Variants in STX7 observed in about 807,000 individuals in gnomAD.
STX7 encodes syntaxin-7.
A neutral mutation model predicts 39.6 loss-of-function variants in STX7; 34 were observed. That is an observed-to-expected ratio of 0.86 (90% CI 0.65 to 1.14). The LOEUF (loss-of-function observed/expected upper bound fraction) is 1.14. STX7 is among the 50% of genes most tolerant of loss of function. The pLI is 0.00. For missense variants in STX7, 284 were observed against 310.4 expected (o/e 0.92, Z 0.64); for synonymous variants, 119 against 99.1 (o/e 1.20, Z -1.19).
At chr6:132,466,335 T>A (rs1347877992) in intron 8 of STX7, among the ~76,000 whole-genome samples, 1 of 152,208 alleles carries the variant, frequency 6.6e-6, no homozygotes, top group Admixed American at 6.5e-5. Context: ...TCCATATCAC[T>A]GGCTATTCCT....
intron 9 of STX7, chr6:132,461,868 A>G (rs1205541124): frequency 2.6e-6 from 4 of 1,539,470 alleles, no homozygotes; most frequent in East Asian, 2.5e-5. Flanking sequence ...TTTCTTACAA[A>G]GTAGAAAAAT....
intron 1 of STX7, among the ~76,000 whole-genome samples, chr6:132,504,997 T>G (rs1466901962): frequency 1.3e-5 from 2 of 152,144 alleles, no homozygotes; most frequent in Non-Finnish European, 2.9e-5. Context: ...GATCAGATGA[T>G]TCACAGCTGG....
At position 132,450,928 on chromosome 6, in the gene STX7, G is replaced by A. The variant is rs1562315505; in HGVS notation, c.*9830C>T. 1 of 151,370 alleles carries A rather than the reference G, an allele frequency of 6.6e-6. No individual in the cohort carries two copies. The highest frequency in any genetic ancestry group is 1.5e-5 in the Non-Finnish European group (1 of 67,912). The allele number at this position is 151,370 out of a possible 1,614,324, so 9.4% of individuals were successfully genotyped here. ...GACATAAACATATAGATGGTGAGAA[G>A]ACCTCAAATATAATAAACCCCCCAA... On this transcript the variant is annotated 3_prime_UTR_variant, in exon 10 of 10. Transcript: ENST00000367941.
intron 2 of STX7, 129 bp downstream of exon 2, chr6:132,503,317 C>G (rs750078144): frequency 7.5e-5 from 52 of 691,038 alleles, no homozygotes; most frequent in Non-Finnish European, 1.2e-4. Flanking sequence ...GAGTTCGAGC[C>G]CTTTAAAACC....
At chr6:132,479,941 C>T (rs558232959) in intron 2 of STX7, among the ~76,000 whole-genome samples, 8 of 152,220 alleles carry the variant, frequency 5.3e-5, no homozygotes, top group East Asian at 1.9e-4. Context: ...AGTGATGTGC[C>T]GTTGTTGAGG....
chr6:132,478,022 AC>A (rs1280239440), intron 2 of STX7, among the ~76,000 whole-genome samples: 3 of 152,144 alleles, frequency 2.0e-5, no homozygotes, highest in African/African-American at 7.2e-5. Flanking sequence ...GGCCTTAAAA[AC>A]AAAAGGTAAA....
rs569814968 is a variant in STX7 at position 132,476,389 on chromosome 6, G to A, written c.86-727C>T. On this transcript the variant is annotated intron_variant, in intron 2 of 9. Transcript: ENST00000367941. The stretch of plus-strand genomic sequence containing the variant: ...CACAAAAAGAAATTAGACCAGTCTA[G>A]ACTGTGGGACAATCTACGAGATAAC... Among the ~76,000 whole-genome samples, 8 of 152,142 alleles carry A rather than the reference G, an allele frequency of 5.3e-5. No homozygotes were observed. In the South Asian group the frequency reaches 1.7e-3, roughly 32 times the overall value.
intron 2 of STX7, among the ~76,000 whole-genome samples, chr6:132,485,333 A>C (rs1775107450): frequency 6.6e-6 from 1 of 152,172 alleles, no homozygotes; most frequent in Admixed American, 6.5e-5. Context: ...AGTTAGCCTA[A>C]TTATTTTATG....
Position 132,468,487 on chromosome 6 carries a change from C to T in STX7, c.538-12G>A, listed in dbSNP as rs371925401. 1.1e-4 allele frequency: 178 copies of T among 1,577,612 alleles called. No individual in the cohort carries two copies. In the African/African-American group the frequency reaches 1.4e-3, roughly 12 times the overall value. Reference sequence around the variant, plus strand: ...TCCATAATATCAGCCTAAGAGAAAACGCATATATTATTATAATCAGAAATT... The same window carrying T: ...TCCATAATATCAGCCTAAGAGAAAATGCATATATTATTATAATCAGAAATT... On this transcript the variant is annotated splice_polypyrimidine_tract_variant and intron_variant, in intron 7 of 9. Coordinates refer to ENST00000367941, the MANE Select transcript of STX7 (RefSeq NM_003569.3).
rs1774229978 is a variant in STX7, at chr6:132,455,877, TAAAAG to T, written c.*4876_*4880del. The T allele has an allele frequency of 6.6e-6, 1 of 152,220 alleles. No individual in the cohort carries two copies. Among genetic ancestry groups the T allele is most frequent in the East Asian group, 1.9e-4 (1 of 5,200 alleles). The allele number at this position is 152,220 out of a possible 1,614,324, so 9.4% of individuals were successfully genotyped here. A position where few individuals can be genotyped will look rare whatever the true frequency, so the allele number is the denominator to read the frequency against. On this transcript the variant is annotated 3_prime_UTR_variant, in exon 10 of 10. Coordinates refer to ENST00000367941, the MANE Select transcript of STX7 (RefSeq NM_003569.3). ...TTTTCTTCTTTATTCCTATTTGATT[TAAAAG>T]AAAAAGATTTGCCAAGGGATGGGTA...
intron 2 of STX7, 121 bp from the exon 3 acceptor site, chr6:132,475,783 A>ACTTTGTT: frequency 2.1e-5 from 11 of 526,656 alleles, no homozygotes; most frequent in South Asian, 1.2e-4. Context: ...AAAGATGAAA[A>ACTTTGTT]TAGAAAATAT....
intron 1 of STX7, among the ~76,000 whole-genome samples, chr6:132,504,234 G>GAA (rs1248419562): frequency 6.6e-6 from 1 of 152,178 alleles, no homozygotes; most frequent in East Asian, 1.9e-4. Context: ...AATTTTAATG[G>GAA]AAAAGGTTAA....
intron 2 of STX7, among the ~76,000 whole-genome samples, chr6:132,483,145 G>A (rs534620133): frequency 1.7e-4 from 26 of 152,180 alleles, no homozygotes; most frequent in Non-Finnish European, 3.2e-4. Context: ...CTAGAGGATT[G>A]GTTCCATGCC....
chr6:132,504,893 C>T (rs1290380947), intron 1 of STX7, among the ~76,000 whole-genome samples: 1 of 152,122 alleles, frequency 6.6e-6, no homozygotes, highest in Non-Finnish European at 1.5e-5. Context: ...AAGGCAAGGA[C>T]GTGAAGGCTG....
At chr6:132,504,740 C>A (rs536737956) in intron 1 of STX7, among the ~76,000 whole-genome samples, 153 of 152,276 alleles carry the variant, frequency 1.0e-3, no homozygotes, top group African/African-American at 3.6e-3. Context: ...AAAAACCCCA[C>A]AAATCCATAA....
intron 2 of STX7, among the ~76,000 whole-genome samples, chr6:132,484,847 T>A (rs767252343): frequency 1.3e-5 from 2 of 152,128 alleles, no homozygotes; most frequent in African/African-American, 4.8e-5. Context: ...CAAGCTATAA[T>A]TGCTTCAACA....
intron 8 of STX7, 45 bp from the exon 9 acceptor site, chr6:132,464,120 G>A: frequency 6.6e-7 from 1 of 1,520,248 alleles, no homozygotes; most frequent in East Asian, 2.3e-5. Context: ...AACATGGATT[G>A]ATGCTCCAGT....
At chr6:132,478,481 G>A (rs550444032) in intron 2 of STX7, among the ~76,000 whole-genome samples, 1 of 152,236 alleles carries the variant, frequency 6.6e-6, no homozygotes, top group East Asian at 1.9e-4. Flanking sequence ...ATGGAAGGAA[G>A]AAATCATTGG....
At chr6:132,475,439 C>T (rs1774849480) in intron 3 of STX7, 154 bp downstream of exon 3, 2 of 440,512 alleles carry the variant, frequency 4.5e-6, no homozygotes, top group Non-Finnish European at 7.8e-6. Flanking sequence ...TACACAAAAG[C>T]TTGGTACAAA....
Sources: gnomAD v4.1 joint callset for allele counts (sites outside exome capture counted in the v4.1 genomes callset) on GRCh38, gnomAD v4.1.1 for gene constraint, MANE v1.5 for transcripts, NCBI Gene and HGNC (gene_info 2026-07-23, HGNC 2026-07-21) for gene names.